PCDHA8: variants seen among roughly 807,000 people sequenced by gnomAD.
PCDHA8 encodes the protein protocadherin alpha 8.
Under a neutral mutation model 61.8 loss-of-function variants are expected in PCDHA8, and 53 were observed. That is an observed-to-expected ratio of 0.86 (90% CI 0.69 to 1.08). PCDHA8 has a LOEUF of 1.08. PCDHA8 is among the 50% of genes least tolerant of loss of function. PCDHA8 has a pLI of 0.00. For synonymous variants in PCDHA8, 618 were observed against 556.6 expected (o/e 1.11, Z -1.55); for missense variants, 1,293 against 1,245.0 (o/e 1.04, Z -0.58).
intron 1 of PCDHA8, among the ~76,000 whole-genome samples, chr5:140,909,351 T>C (rs2153508982): frequency 6.6e-6 from 1 of 152,238 alleles, no homozygotes; most frequent in African/African-American, 2.4e-5. Context: ...TACCAAGAGA[T>C]GTGTTAATTT....
In PCDHA8 at chr5:140,872,848, A is replaced by G. The variant is rs531539520; in HGVS notation, c.2394+29133A>G. ...AGCAGAGAAAAAATTAAATATATTA[A>G]TGTGAGTACCTACTGACAATTATCA... On this transcript the variant is annotated intron_variant, in intron 1 of 3. Transcript: ENST00000531613. Among the ~76,000 whole-genome samples the G allele has an allele frequency of 3.3e-5, 5 of 152,332 alleles. No individual in the cohort carries two copies. The South Asian group carries it at 1.0e-3, about 32-fold the overall frequency.
At chr5:140,883,519 CG>C in intron 1 of PCDHA8, 1 of 1,614,190 alleles carries the variant, frequency 6.2e-7, no homozygotes, top group African/African-American at 1.3e-5. Flanking sequence ...ACCGCGAGAG[CG>C]TATCAGCCTA....
chr5:140,884,604 G>A lies in PCDHA8; in HGVS notation c.2394+40889G>A. The A allele has an allele frequency of 1.2e-6, 2 of 1,614,140 alleles. 1 individual carries two copies. Among genetic ancestry groups the A allele is most frequent in the Middle Eastern group, 3.3e-4 (2 of 6,062 alleles). On this transcript the variant is annotated intron_variant, in intron 1 of 3. Coordinates refer to ENST00000531613, the MANE Select transcript of PCDHA8 (RefSeq NM_018911.3). Reference sequence around the variant, plus strand: ...GCCTTCAGTCCCAGCCTTCCTCCTTGTCTGGGTTCTGCAGAGGGAACAGGC... The same window carrying A: ...GCCTTCAGTCCCAGCCTTCCTCCTTATCTGGGTTCTGCAGAGGGAACAGGC...
intron 1 of PCDHA8, chr5:140,850,906 T>A: frequency 6.4e-7 from 1 of 1,550,722 alleles, no homozygotes; most frequent in Non-Finnish European, 8.7e-7. Context: ...TTTTCTAGCA[T>A]TTTATTTATT....
chr5:140,931,086 A>G (rs2087290662), intron 1 of PCDHA8, among the ~76,000 whole-genome samples: 1 of 152,204 alleles, frequency 6.6e-6, no homozygotes, highest in Non-Finnish European at 1.5e-5. Context: ...CCAGTTCTAC[A>G]GATGACAAAG....
At chr5:140,907,341 G>A (rs376587538) in intron 1 of PCDHA8, among the ~76,000 whole-genome samples, 1 of 152,326 alleles carries the variant, frequency 6.6e-6, no homozygotes, top group South Asian at 2.1e-4. Context: ...ATATGCATGA[G>A]CCCGCTGCTG....
chr5:140,892,595 AT>A (rs1385818954), intron 1 of PCDHA8, among the ~76,000 whole-genome samples: 1 of 151,958 alleles, frequency 6.6e-6, no homozygotes, highest in African/African-American at 2.4e-5. Flanking sequence ...TCATTCACCT[AT>A]TTTTTTCCTT....
At chr5:140,900,438 C>G (rs573115268) in intron 1 of PCDHA8, among the ~76,000 whole-genome samples, 1 of 152,116 alleles carries the variant, frequency 6.6e-6, no homozygotes, top group East Asian at 1.9e-4. Context: ...CCACCACGGC[C>G]GGCTAATTTT....
rs780758944 is a variant in PCDHA8 at position 140,904,284 on chromosome 5, T to G, written c.2394+60569T>G. Among the ~76,000 whole-genome samples the G allele has an allele frequency of 1.3e-3, 196 of 152,216 alleles. 3 individuals carry two copies. The highest frequency in any genetic ancestry group is 1.2e-3 in the Non-Finnish European group (83 of 68,010). ...CACTTATGAATGAGAACATGTGGTG[T>G]TTGGTTTTCCATTCCTGAGTTTCTT... On this transcript the variant is annotated intron_variant, in intron 1 of 3. Transcript: ENST00000531613.
rs1236174883 is a variant in PCDHA8 at position 140,948,633 on chromosome 5, C to T, written c.2395-30316C>T. Among the ~76,000 whole-genome samples the T allele has an allele frequency of 2.6e-5, 4 of 151,768 alleles. No individual in the cohort carries two copies. The East Asian group carries it at 7.7e-4, about 29-fold the overall frequency. ...GGCACAAAGTTGTTAATAATATTCTCTCATCTTTTAACGTCTGTATAATCT... is the reference window on the plus strand; with the variant it reads ...GGCACAAAGTTGTTAATAATATTCTTTCATCTTTTAACGTCTGTATAATCT... On this transcript the variant is annotated intron_variant, in intron 1 of 3. Transcript: ENST00000531613.
chr5:140,982,380 C>G, intron 2 of PCDHA8, 95 bp from the exon 3 acceptor site: 1 of 1,577,206 alleles, frequency 6.3e-7, no homozygotes, highest in Non-Finnish European at 8.6e-7. Flanking sequence ...AGCTGCAGCC[C>G]TGGCTTCATA....
At chr5:140,942,109 A>G (rs534603504) in intron 1 of PCDHA8, among the ~76,000 whole-genome samples, 55 of 152,334 alleles carry the variant, frequency 3.6e-4, no homozygotes, top group African/African-American at 1.3e-3. Flanking sequence ...CATATAATCA[A>G]ACTTTATTAA....
rs1485742296 is a variant in PCDHA8, at chr5:140,974,143, T to C, written c.2395-4806T>C. On this transcript the variant is annotated intron_variant, in intron 1 of 3. Transcript: ENST00000531613. ...GTTTTAAATCTGCTAACCTGAAAACTATACAAGGGTTTTTCTTTCAAGAAT... is the reference window on the plus strand; with the variant it reads ...GTTTTAAATCTGCTAACCTGAAAACCATACAAGGGTTTTTCTTTCAAGAAT... 2.0e-5 allele frequency among the ~76,000 whole-genome samples: 3 copies of C among 152,324 alleles called. No homozygotes were observed. The East Asian group carries it at 5.8e-4, about 29-fold the overall frequency.
At chr5:140,858,053 G>C (rs1233644213) in intron 1 of PCDHA8, 5 of 1,597,600 alleles carry the variant, frequency 3.1e-6, no homozygotes, top group Non-Finnish European at 4.3e-6. Flanking sequence ...TGTGTCGCTT[G>C]TGGAGGGCAG....
chr5:140,882,545 G>A (rs1174281421), intron 1 of PCDHA8: 4 of 1,614,238 alleles, frequency 2.5e-6, no homozygotes. Context: ...GATCGACCGC[G>A]AGGAGCTGTG....
At chr5:140,898,323 G>A (rs2066657733) in intron 1 of PCDHA8, among the ~76,000 whole-genome samples, 1 of 152,132 alleles carries the variant, frequency 6.6e-6, no homozygotes, top group Admixed American at 6.5e-5. Context: ...ATGGTTTTGG[G>A]TCTAACGTTT....
At chr5:140,928,639 G>A in intron 1 of PCDHA8, 1 of 1,614,218 alleles carries the variant, frequency 6.2e-7, no homozygotes, top group Non-Finnish European at 8.5e-7. Context: ...GGTCACAAAA[G>A]TGGTAGCAGA....
In PCDHA8 at chr5:140,959,884, G is replaced by A. The variant is rs141989766; in HGVS notation, c.2395-19065G>A. On this transcript the variant is annotated intron_variant, in intron 1 of 3. Coordinates refer to ENST00000531613, the MANE Select transcript of PCDHA8 (RefSeq NM_018911.3). ...TAGCAAAATCTGTCAAGGAATACAC[G>A]AGTGGGATTTATATCAGAAAAATCA... Among the ~76,000 whole-genome samples, 570 of 152,254 alleles carry A rather than the reference G, an allele frequency of 3.7e-3. 1 individual carries two copies. The highest frequency in any genetic ancestry group is 6.9e-3 in the Non-Finnish European group (471 of 68,018).
intron 1 of PCDHA8, chr5:140,850,221 G>A: frequency 1.9e-6 from 3 of 1,593,734 alleles, no homozygotes; most frequent in South Asian, 2.2e-5. Context: ...CACTGACGGC[G>A]CAGTGAGCGA....
Sources: allele counts gnomAD v4.1 joint callset (sites outside exome capture counted in the v4.1 genomes callset), GRCh38; gene constraint gnomAD v4.1.1; transcripts MANE v1.5; gene names NCBI Gene and HGNC (gene_info 2026-07-23, HGNC 2026-07-21).